Variants in SHROOM4 observed in about 807,000 individuals in gnomAD.
The protein encoded by SHROOM4 is protein Shroom4.
A neutral mutation model predicts 80.3 loss-of-function variants in SHROOM4; 17 were observed. The observed-to-expected ratio is 0.21, with a 90% CI of 0.14 to 0.32. The LOEUF (loss-of-function observed/expected upper bound fraction) is 0.32, where lower values mean the gene tolerates loss of function less well. Ranked by LOEUF, SHROOM4 falls within the 10% of genes least tolerant of loss-of-function variation. The pLI is 1.00. For synonymous variants in SHROOM4, 400 were observed against 437.5 expected (o/e 0.91, Z 1.07); for missense variants, 993 against 1,140.3 (o/e 0.87, Z 1.86).
intron 7 of SHROOM4, among the ~76,000 whole-genome samples, chrX:50,600,189 C>T (rs1929327274): frequency 8.9e-6 from 1 of 111,938 alleles, no homozygotes; most frequent in African/African-American, 3.2e-5. Flanking sequence ...CACTTAAATG[C>T]TCAATGCATG....
intron 2 of SHROOM4, among the ~76,000 whole-genome samples, chrX:50,646,595 T>C (rs1464066301): frequency 2.9e-5 from 3 of 103,863 alleles, no homozygotes; most frequent in African/African-American, 1.1e-4. Flanking sequence ...AAGAGAACTT[T>C]CAGGACAATG....
At chrX:50,685,821 G>A (rs782177559) in intron 2 of SHROOM4, among the ~76,000 whole-genome samples, 1 of 111,873 alleles carries the variant, frequency 8.9e-6, no homozygotes, top group East Asian at 2.8e-4. Context: ...CTTTGTTTTG[G>A]CAAGAGAGGT....
chrX:50,697,889 T>A (rs185637243), intron 1 of SHROOM4, among the ~76,000 whole-genome samples: 1 of 112,264 alleles, frequency 8.9e-6, no homozygotes, highest in East Asian at 2.8e-4. Context: ...AGAAGGCCCT[T>A]AGCACCAGTC....
chrX:50,582,589 G>C (rs1040377682), downstream of SHROOM4, among the ~76,000 whole-genome samples: 2 of 111,766 alleles, frequency 1.8e-5, no homozygotes, highest in African/African-American at 6.5e-5. Flanking sequence ...CCATTTTGGA[G>C]ATTTTTCTTC....
intron 2 of SHROOM4, among the ~76,000 whole-genome samples, chrX:50,691,743 A>G (rs903537175): frequency 3.6e-5 from 4 of 111,802 alleles, no homozygotes; most frequent in African/African-American, 1.3e-4. Flanking sequence ...TGTTTACTCA[A>G]ACCAAAGTCT....
chrX:50,628,356 C>T (rs782147168), intron 4 of SHROOM4, among the ~76,000 whole-genome samples: 1 of 111,369 alleles, frequency 9.0e-6, no homozygotes, highest in East Asian at 2.8e-4. Flanking sequence ...GTCCAAGCAA[C>T]TCTTTTTTTT....
chrX:50,717,931 AAG>A (rs1277022439), intron 1 of SHROOM4, among the ~76,000 whole-genome samples: 1 of 112,067 alleles, frequency 8.9e-6, no homozygotes, highest in Non-Finnish European at 1.9e-5. Flanking sequence ...CCTCCCTTCC[AAG>A]GACACTGGAA....
chrX:50,696,268 C>G (rs1933367289), intron 1 of SHROOM4, among the ~76,000 whole-genome samples: 1 of 111,959 alleles, frequency 8.9e-6, no homozygotes, highest in African/African-American at 3.2e-5. Context: ...CCTACCAAAA[C>G]GTGCAGACAA....
At chrX:50,624,979 G>C (rs1930736499) in intron 5 of SHROOM4, among the ~76,000 whole-genome samples, 1 of 111,440 alleles carries the variant, frequency 9.0e-6, no homozygotes, top group Non-Finnish European at 1.9e-5. Context: ...TACTATAATA[G>C]GTCCCATCAA....
At position 50,775,589 on chromosome X, in the gene SHROOM4, G is replaced by C. The variant is rs142268524; in HGVS notation, c.117+38313C>G. ...GTGACCAAGAGGTGGGGCACTCTGA[G>C]GCAAGCAAAGAGAAAGAAATGGCAT... On this transcript the variant is annotated intron_variant, in intron 1 of 8. Transcript: ENST00000376020. Among the ~76,000 whole-genome samples the C allele has an allele frequency of 4.3e-3, 476 of 111,887 alleles. 3 individuals are homozygous for C. Among genetic ancestry groups the C allele is most frequent in the African/African-American group, 0.014 (439 of 30,805 alleles).
intron 1 of SHROOM4, among the ~76,000 whole-genome samples, chrX:50,766,858 TA>T (rs1935286832): frequency 9.0e-6 from 1 of 111,665 alleles, no homozygotes; most frequent in Admixed American, 9.5e-5. Context: ...AGAGAATGGA[TA>T]AAAATATATA....
chrX:50,633,926 T>A lies in SHROOM4; in HGVS notation c.2147A>T (p.His716Leu). ...DPSSSDPEKAHAHCGVRGGHW... is the reference protein window; with the variant it reads ...DPSSSDPEKALAHCGVRGGHW... ...ACCTCCACGGACTCCACAGTGAGCATGTGCTTTCTCAGGGTCTGAGGAGGA... is the reference window on the plus strand; with the variant it reads ...ACCTCCACGGACTCCACAGTGAGCAAGTGCTTTCTCAGGGTCTGAGGAGGA... Residue 716 changes from histidine (H) to leucine (L), a missense_variant, in exon 4 of 9, where the codon CAT becomes CTT. Physicochemically the swap from His to Leu is moderately conservative, Grantham distance 99. Coordinates refer to ENST00000376020, the MANE Select transcript of SHROOM4 (RefSeq NM_020717.5). 1 of 1,211,864 alleles carries A rather than the reference T, an allele frequency of 8.3e-7. No homozygotes were observed. The highest frequency in any genetic ancestry group is 1.1e-6 in the Non-Finnish European group (1 of 895,542).
chrX:50,704,883 C>A (rs1557263833), intron 1 of SHROOM4, among the ~76,000 whole-genome samples: 1 of 111,458 alleles, frequency 9.0e-6, no homozygotes, highest in African/African-American at 3.3e-5. Flanking sequence ...TAATTTTAAT[C>A]TCTGGTCTCC....
intron 2 of SHROOM4, among the ~76,000 whole-genome samples, chrX:50,692,291 T>A (rs1232532527): frequency 8.9e-6 from 1 of 111,944 alleles, no homozygotes; most frequent in Non-Finnish European, 1.9e-5. Flanking sequence ...GGGGCCTTTA[T>A]TTCTTATTCA....
At chrX:50,776,691 T>A (rs1935517891) in intron 1 of SHROOM4, among the ~76,000 whole-genome samples, 1 of 109,855 alleles carries the variant, frequency 9.1e-6, no homozygotes, top group Admixed American at 9.8e-5. Flanking sequence ...TTTTTTCTTT[T>A]TTTTTATTTT....
chrX:50,696,808 G>C (rs1302291599), intron 1 of SHROOM4, among the ~76,000 whole-genome samples: 2 of 112,160 alleles, frequency 1.8e-5, no homozygotes, highest in Non-Finnish European at 3.8e-5. Context: ...GAAGAAGATT[G>C]TCAGACTGAG....
At position 50,634,060 on chromosome X, in the gene SHROOM4, G is replaced by T. The variant is rs781976397; in HGVS notation, c.2013C>A (p.Ala671=). The T allele has an allele frequency of 3.3e-6, 4 of 1,210,262 alleles. No individual in the cohort carries two copies. In the African/African-American group the frequency reaches 7.0e-5, roughly 21 times the overall value. Residue 671 remains alanine, a synonymous_variant, in exon 4 of 9, where the codon GCC becomes GCA. Transcript: ENST00000376020. The stretch of plus-strand genomic sequence containing the variant: ...CTGTCCTAGATTCATGGCTCTCAGG[G>T]GCTTGGCTGAGGCACTCGGAAGACC... ...RARSSECLSQ[A]PESHESRTGL...
Position 50,782,852 on chromosome X carries a change from G to T in SHROOM4, c.117+31050C>A, listed in dbSNP as rs1280793343. 3.6e-5 allele frequency among the ~76,000 whole-genome samples: 4 copies of T among 111,491 alleles called. No individual in the cohort carries two copies. The Admixed American group carries it at 3.8e-4, about 11-fold the overall frequency. On this transcript the variant is annotated intron_variant, in intron 1 of 8. Transcript: ENST00000376020. ...AATAGAATGGTGACTGTCAGGGGCT[G>T]GGAAGAAGGGGAAATGGGGAGTTGC...
intron 1 of SHROOM4, among the ~76,000 whole-genome samples, chrX:50,788,052 G>GT (rs1437499070): frequency 8.9e-6 from 1 of 112,214 alleles, no homozygotes; most frequent in African/African-American, 3.2e-5. Flanking sequence ...ATGTAATGCT[G>GT]TGATAGTGGT....
Sources: gnomAD v4.1 joint callset for allele counts (sites outside exome capture counted in the v4.1 genomes callset) on GRCh38, gnomAD v4.1.1 for gene constraint, MANE v1.5 for transcripts, NCBI Gene and HGNC (gene_info 2026-07-23, HGNC 2026-07-21) for gene names.